The following ASIC2 variants were observed in gnomAD, a reference collection of about 807,000 sequenced individuals.
ASIC2 encodes the protein acid-sensing ion channel 2.
In ASIC2, 25 loss-of-function variants were observed where a neutral mutation model predicts 57.3. The observed-to-expected ratio is 0.44, with a 90% CI of 0.32 to 0.61. The LOEUF (loss-of-function observed/expected upper bound fraction) is 0.61. ASIC2 is among the 20% of genes least tolerant of loss of function. ASIC2 has a pLI of 0.06. For synonymous variants in ASIC2, 319 were observed against 307.5 expected, an observed-to-expected ratio of 1.04 and a Z score of -0.39; for missense variants, 641 against 738.1, an observed-to-expected ratio of 0.87 and a Z score of 1.52.
chr17:33,405,646 G>A (rs1158863790), intron 1 of ASIC2, among the ~76,000 whole-genome samples: 2 of 151,952 alleles, frequency 1.3e-5, no homozygotes, highest in African/African-American at 2.4e-5. Flanking sequence ...ACCACACCCA[G>A]CTAATTTTTG....
intron 1 of ASIC2, among the ~76,000 whole-genome samples, chr17:34,019,554 T>G (rs1380731146): frequency 6.6e-6 from 1 of 152,212 alleles, no homozygotes; most frequent in Non-Finnish European, 1.5e-5. Context: ...AGATTATAAC[T>G]GGATGAAGGT....
chr17:33,886,575 A>G (rs142448410), intron 1 of ASIC2, among the ~76,000 whole-genome samples: 181 of 152,302 alleles, frequency 1.2e-3, no homozygotes, highest in African/African-American at 3.9e-3. Flanking sequence ...CAGGCAAAGA[A>G]GCAAAGGCTT....
intron 1 of ASIC2, among the ~76,000 whole-genome samples, chr17:33,801,624 A>G (rs1283924743): frequency 6.6e-6 from 1 of 152,190 alleles, no homozygotes; most frequent in Non-Finnish European, 1.5e-5. Flanking sequence ...GTAAGGATGA[A>G]AGGAAATAAT....
intron 2 of ASIC2, among the ~76,000 whole-genome samples, chr17:33,111,005 G>A (rs143114014): frequency 1.3e-3 from 191 of 152,226 alleles, no homozygotes; most frequent in African/African-American, 4.2e-3. Flanking sequence ...CCAGTCTTGG[G>A]CACCTCTTTA....
chr17:33,961,171 G>A (rs112486166), intron 1 of ASIC2, among the ~76,000 whole-genome samples: 83 of 152,280 alleles, frequency 5.5e-4, no homozygotes, highest in African/African-American at 1.9e-3. Context: ...TAATTTGACC[G>A]GCTTTGACCA....
intron 1 of ASIC2, among the ~76,000 whole-genome samples, chr17:33,702,526 A>AACAC (rs1719466693): frequency 2.0e-5 from 3 of 152,176 alleles, no homozygotes; most frequent in Admixed American, 2.0e-4. Context: ...TATGACAGCC[A>AACAC]ACACACACCA....
At chr17:34,143,891 A>T (rs1912342228) in intron 1 of ASIC2, among the ~76,000 whole-genome samples, 1 of 152,150 alleles carries the variant, frequency 6.6e-6, no homozygotes, top group Admixed American at 6.6e-5. Flanking sequence ...TAAGTTAACT[A>T]AACCTCTTTT....
rs114608607 is a variant in ASIC2 at position 33,975,769 on chromosome 17, A to G, written c.555+180209T>C. ...TGCCCTGTCAATGATGTTTGCCTAC[A>G]TTTCTGTCTCTTCCTTCTGTGCACC... On this transcript the variant is annotated intron_variant, in intron 1 of 9. Transcript: ENST00000359872. 6.8e-3 allele frequency among the ~76,000 whole-genome samples: 1,026 copies of G among 151,968 alleles called. 24 individuals carry two copies. The highest frequency in any genetic ancestry group is 0.023 in the African/African-American group (974 of 41,452).
intron 1 of ASIC2, chr17:34,038,454 T>A: frequency 2.5e-6 from 4 of 1,612,302 alleles, no homozygotes; most frequent in Non-Finnish European, 3.4e-6. Context: ...CAGTTTTTAT[T>A]TAACTGGTGA....
At chr17:33,696,334 C>G (rs995286182) in intron 1 of ASIC2, among the ~76,000 whole-genome samples, 2 of 152,228 alleles carry the variant, frequency 1.3e-5, no homozygotes, top group African/African-American at 4.8e-5. Flanking sequence ...GCTGTCACAA[C>G]AGTGCTGGAG....
At chr17:34,107,063 A>G (rs889378044) in intron 1 of ASIC2, among the ~76,000 whole-genome samples, 1 of 152,218 alleles carries the variant, frequency 6.6e-6, no homozygotes, top group Non-Finnish European at 1.5e-5. Flanking sequence ...TCACTTAAAC[A>G]TATATACACA....
intron 1 of ASIC2, among the ~76,000 whole-genome samples, chr17:33,356,071 A>T (rs1597696690): frequency 6.6e-6 from 1 of 152,288 alleles, no homozygotes; most frequent in East Asian, 1.9e-4. Context: ...CGTGAAGAGT[A>T]TTTAAGTCAG....
chr17:33,666,235 GTTGA>G (rs969671381), intron 1 of ASIC2, among the ~76,000 whole-genome samples: 4 of 152,140 alleles, frequency 2.6e-5, no homozygotes, highest in African/African-American at 9.7e-5. Flanking sequence ...ACTACTACTT[GTTGA>G]TTGATTGACA....
chr17:33,605,633 T>G (rs988633064), intron 1 of ASIC2, among the ~76,000 whole-genome samples: 1 of 152,194 alleles, frequency 6.6e-6, no homozygotes, highest in Non-Finnish European at 1.5e-5. Flanking sequence ...TATGAAATTA[T>G]GGGGTGGCAA....
chr17:33,226,031 C>T (rs995489247), intron 1 of ASIC2, among the ~76,000 whole-genome samples: 1 of 152,136 alleles, frequency 6.6e-6, no homozygotes, highest in African/African-American at 2.4e-5. Flanking sequence ...AGATGTCTCC[C>T]ATCTTTTGAG....
intron 1 of ASIC2, among the ~76,000 whole-genome samples, chr17:33,175,457 T>C (rs1905711886): frequency 6.9e-6 from 1 of 145,660 alleles, no homozygotes; most frequent in South Asian, 2.1e-4. Flanking sequence ...TTTATTGTTA[T>C]TTTATTGTTT....
chr17:33,414,357 C>T (rs779316787), intron 1 of ASIC2, among the ~76,000 whole-genome samples: 5 of 151,916 alleles, frequency 3.3e-5, no homozygotes, highest in South Asian at 2.1e-4. Context: ...TGTGGTGGAA[C>T]GAGGAAGGGG....
chr17:33,496,325 G>C (rs889165979), intron 1 of ASIC2, among the ~76,000 whole-genome samples: 5 of 152,260 alleles, frequency 3.3e-5, no homozygotes, highest in Admixed American at 1.3e-4. Context: ...CCCCTTCTCT[G>C]CTTCTATGGC....
At chr17:33,996,290 A>AT (rs1201108112) in intron 1 of ASIC2, among the ~76,000 whole-genome samples, 1 of 152,132 alleles carries the variant, frequency 6.6e-6, no homozygotes, top group Non-Finnish European at 1.5e-5. Context: ...ATTTTATCCC[A>AT]TTCTGTAGGT....
Sources: gnomAD v4.1 joint callset for allele counts (sites outside exome capture counted in the v4.1 genomes callset) on GRCh38, gnomAD v4.1.1 for gene constraint, MANE v1.5 for transcripts, NCBI Gene and HGNC (gene_info 2026-07-23, HGNC 2026-07-21) for gene names.